RANBP10: variants seen among roughly 807,000 people sequenced by gnomAD.
The protein encoded by RANBP10 is RAN binding protein 10, also known as ran-binding protein 10.
A neutral mutation model predicts 72.8 loss-of-function variants in RANBP10; 24 were observed. The ratio of observed to expected loss-of-function variants is 0.33; its 90% CI spans 0.24 to 0.46. The LOEUF (loss-of-function observed/expected upper bound fraction) is 0.46, where lower values mean the gene tolerates loss of function less well. Among genes scored for constraint, RANBP10 ranks in the 20% least tolerant of loss-of-function variants. The probability of loss-of-function intolerance (pLI) is 1.00; values close to 1 mark genes in which losing one functional copy is unlikely to be tolerated. For missense variants in RANBP10, 679 were observed against 817.5 expected (o/e 0.83, Z 2.07); for synonymous variants, 310 against 322.3 (o/e 0.96, Z 0.41).
intron 2 of RANBP10, among the ~76,000 whole-genome samples, chr16:67,793,873 T>TTTTA (rs977525647): frequency 2.8e-4 from 43 of 152,032 alleles, no homozygotes; most frequent in Non-Finnish European, 5.3e-4. Context: ...TTATTTTTTA[T>TTTTA]TTTATTTATT....
intron 3 of RANBP10, among the ~76,000 whole-genome samples, chr16:67,771,619 G>A (rs2054609282): frequency 6.6e-6 from 1 of 152,186 alleles, no homozygotes; most frequent in African/African-American, 2.4e-5. Context: ...TGGGATTACA[G>A]GCGTGAGCCG....
chr16:67,772,503 C>A (rs1466365383), intron 2 of RANBP10, among the ~76,000 whole-genome samples: 3 of 152,164 alleles, frequency 2.0e-5, no homozygotes, highest in African/African-American at 7.2e-5. Context: ...CCAGTCTGCA[C>A]CAAAGACCAG....
chr16:67,804,725 C>G (rs938024083), intron 2 of RANBP10, among the ~76,000 whole-genome samples: 1 of 152,064 alleles, frequency 6.6e-6, no homozygotes, highest in Non-Finnish European at 1.5e-5. Flanking sequence ...GACAGGGTTT[C>G]AGCATGTTTG....
At chr16:67,739,616 G>A (rs772073683) in intron 4 of RANBP10, among the ~76,000 whole-genome samples, 19 of 152,066 alleles carry the variant, frequency 1.2e-4, no homozygotes, top group Non-Finnish European at 1.9e-4. Context: ...GCGAGGCTCC[G>A]TCTCTACAAA....
chr16:67,765,199 C>CAAAAAAAAAAAAAAAAAAA (rs569942198), intron 3 of RANBP10, among the ~76,000 whole-genome samples: 1 of 11,652 alleles, frequency 8.6e-5, no homozygotes, highest in Non-Finnish European at 2.2e-4. Context: ...GACTCCATCT[C>CAAAAAAAAAAAAAAAAAAA]AAAAAAAAAA....
chr16:67,763,667 C>T (rs2054442003), intron 3 of RANBP10, among the ~76,000 whole-genome samples: 1 of 130,404 alleles, frequency 7.7e-6, no homozygotes, highest in South Asian at 2.3e-4. Flanking sequence ...CCTACCACCC[C>T]CATAACCCAC....
chr16:67,733,704 A>G lies in RANBP10; in HGVS notation c.776+1154T>C, dbSNP rs566422996. Reference sequence around the variant, plus strand: ...ACCTATGTGCTATGCTGGACATGGTAGCACATGCCTGTGATGCCAGCTACT... The same window carrying G: ...ACCTATGTGCTATGCTGGACATGGTGGCACATGCCTGTGATGCCAGCTACT... On this transcript the variant is annotated intron_variant, in intron 6 of 13. Transcript: ENST00000317506. 2.6e-5 allele frequency among the ~76,000 whole-genome samples: 4 copies of G among 152,270 alleles called. No homozygotes were observed. The East Asian group carries it at 7.8e-4, about 30-fold the overall frequency.
At position 67,768,687 on chromosome 16, in the gene RANBP10, G is replaced by C. The variant is rs2054549083; in HGVS notation, c.400+3347C>G. Among the ~76,000 whole-genome samples, 10 of 152,244 alleles carry C rather than the reference G, an allele frequency of 6.6e-5. No individual in the cohort carries two copies. In the South Asian group the frequency reaches 2.1e-3, roughly 32 times the overall value. ...GCCATGTTTGCACCACTGCACTCCAGCCTGGGCAACAAAGTGAGACCCTGT... is the reference window on the plus strand; with the variant it reads ...GCCATGTTTGCACCACTGCACTCCACCCTGGGCAACAAAGTGAGACCCTGT... On this transcript the variant is annotated intron_variant, in intron 3 of 13. Coordinates refer to ENST00000317506, the MANE Select transcript of RANBP10 (RefSeq NM_020850.3).
chr16:67,773,171 G>A (rs532136585), intron 2 of RANBP10, among the ~76,000 whole-genome samples: 1 of 152,232 alleles, frequency 6.6e-6, no homozygotes, highest in South Asian at 2.1e-4. Flanking sequence ...TGAATGTCTT[G>A]GGGCAGTCCT....
chr16:67,734,553 T>C (rs1183636966), intron 6 of RANBP10, among the ~76,000 whole-genome samples: 1 of 152,286 alleles, frequency 6.6e-6, no homozygotes, highest in Non-Finnish European at 1.5e-5. Flanking sequence ...GGGCATCCTC[T>C]GCAAAATCCT....
At chr16:67,792,658 C>T (rs919999349) in intron 2 of RANBP10, among the ~76,000 whole-genome samples, 2 of 151,700 alleles carry the variant, frequency 1.3e-5, no homozygotes, top group African/African-American at 4.8e-5. Flanking sequence ...TGGTACGCAC[C>T]TATAGTCCCA....
At chr16:67,748,113 C>T (rs1327392510) in intron 3 of RANBP10, among the ~76,000 whole-genome samples, 6 of 151,978 alleles carry the variant, frequency 3.9e-5, no homozygotes, top group African/African-American at 1.5e-4. Context: ...GCGTGAGCCA[C>T]TGCGCCCGGC....
intron 1 of RANBP10, among the ~76,000 whole-genome samples, chr16:67,805,916 C>A (rs2055399085): frequency 6.6e-6 from 1 of 152,228 alleles, no homozygotes; most frequent in African/African-American, 2.4e-5. Flanking sequence ...CAGGCTCAGT[C>A]TAGGATGCCT....
At chr16:67,793,308 ATTTTTTTT>A (rs752769973) in intron 2 of RANBP10, among the ~76,000 whole-genome samples, 11 of 131,508 alleles carry the variant, frequency 8.4e-5, no homozygotes, top group African/African-American at 3.2e-4. Context: ...CTGGCTTGTA[ATTTTTTTT>A]TTTTTTTTTT....
At chr16:67,758,793 G>C (rs751352409) in intron 3 of RANBP10, among the ~76,000 whole-genome samples, 2 of 152,184 alleles carry the variant, frequency 1.3e-5, no homozygotes, top group African/African-American at 4.8e-5. Flanking sequence ...GCTAGTATTT[G>C]GAAGACGAAA....
chr16:67,774,856 A>G (rs929520304), intron 2 of RANBP10, among the ~76,000 whole-genome samples: 1 of 152,246 alleles, frequency 6.6e-6, no homozygotes. Flanking sequence ...AAAGACTATC[A>G]TCCAACCAAT....
At position 67,757,164 on chromosome 16, in the gene RANBP10, C is replaced by T. The variant is rs1405108401; in HGVS notation, c.401-12709G>A. On this transcript the variant is annotated intron_variant, in intron 3 of 13. Transcript: ENST00000317506. ...CAGAGGTTGCGGTGAGCCAAGATGG[C>T]GCCATTGCACTCCAGTCTCACCAGG... Among the ~76,000 whole-genome samples, 7 of 152,158 alleles carry T rather than the reference C, an allele frequency of 4.6e-5. No homozygotes were observed. The East Asian group carries it at 5.8e-4, about 13-fold the overall frequency.
intron 2 of RANBP10, among the ~76,000 whole-genome samples, chr16:67,791,881 A>G (rs1056509894): frequency 6.6e-6 from 1 of 152,092 alleles, no homozygotes; most frequent in African/African-American, 2.4e-5. Context: ...TAATCGGCCC[A>G]CTTAAGGCCA....
intron 3 of RANBP10, among the ~76,000 whole-genome samples, chr16:67,752,761 G>A (rs531201368): frequency 2.2e-4 from 33 of 152,236 alleles, no homozygotes; most frequent in African/African-American, 7.5e-4. Flanking sequence ...TAAGGCCACC[G>A]TGTTGCCTTC....
Sources: gnomAD v4.1 joint callset for allele counts (sites outside exome capture counted in the v4.1 genomes callset) on GRCh38, gnomAD v4.1.1 for gene constraint, MANE v1.5 for transcripts, NCBI Gene and HGNC (gene_info 2026-07-23, HGNC 2026-07-21) for gene names.